Variants in IFT56 observed in about 807,000 individuals in gnomAD.
The protein encoded by IFT56 is intraflagellar transport 56.
chr7:139,167,800 G>C, the IFT56 span, among the ~76,000 whole-genome samples: 1 of 152,008 alleles, frequency 6.6e-6, no homozygotes, highest in Non-Finnish European at 1.5e-5. Context: ...AATTAGCCGG[G>C]TGTGGTGGCT....
the IFT56 span, among the ~76,000 whole-genome samples, chr7:139,163,774 A>G: frequency 6.6e-6 from 1 of 152,218 alleles, no homozygotes; most frequent in African/African-American, 2.4e-5. Flanking sequence ...AGATGGAGTT[A>G]GAAGTCATGG....
chr7:139,135,320 AG>A, the IFT56 span, among the ~76,000 whole-genome samples: 1 of 148,856 alleles, frequency 6.7e-6, no homozygotes, highest in East Asian at 2.0e-4. Context: ...TTATTTCTTG[AG>A]GGCCACTTTT....
At chr7:139,188,154 G>A in the IFT56 span, among the ~76,000 whole-genome samples, 2 of 146,438 alleles carry the variant, frequency 1.4e-5, no homozygotes, top group Non-Finnish European at 3.0e-5. Flanking sequence ...AGGCTGGAGT[G>A]CAATGGTGTG....
chr7:139,142,536 T>C, the IFT56 span, among the ~76,000 whole-genome samples: 1 of 137,966 alleles, frequency 7.2e-6, no homozygotes, highest in South Asian at 2.3e-4. Flanking sequence ...GCAACAGTCA[T>C]ATAAGAAGTT....
At chr7:139,135,347 A>T in the IFT56 span, among the ~76,000 whole-genome samples, 3 of 151,820 alleles carry the variant, frequency 2.0e-5, no homozygotes, top group Admixed American at 6.6e-5. Flanking sequence ...TGTCTAGTTC[A>T]CCAACAGTGA....
At chr7:139,176,344 C>T in the IFT56 span, among the ~76,000 whole-genome samples, 1 of 151,848 alleles carries the variant, frequency 6.6e-6, no homozygotes. Flanking sequence ...ATATGGACTA[C>T]ATACCCACAA....
chr7:139,189,423 G>GTTT, the IFT56 span: 1 of 1,610,722 alleles, frequency 6.2e-7, no homozygotes, highest in East Asian at 2.2e-5. Context: ...AAAACAGAGT[G>GTTT]TCCATCTAAA....
At chr7:139,150,760 A>C in the IFT56 span, among the ~76,000 whole-genome samples, 3 of 152,232 alleles carry the variant, frequency 2.0e-5, no homozygotes, top group African/African-American at 7.2e-5. Flanking sequence ...GCTTTTCTAA[A>C]GTAAACAGGA....
the IFT56 span, among the ~76,000 whole-genome samples, chr7:139,157,201 C>T: frequency 3.7e-4 from 45 of 122,390 alleles, no homozygotes; most frequent in South Asian, 5.4e-3. Flanking sequence ...GGCTGGAGTG[C>T]AGTGGCGTGA....
At chr7:139,167,606 A>T in the IFT56 span, among the ~76,000 whole-genome samples, 2 of 151,870 alleles carry the variant, frequency 1.3e-5, no homozygotes, top group Non-Finnish European at 2.9e-5. Context: ...CTTTTTTTTT[A>T]TTTAGGAAAA....
the IFT56 span, chr7:139,161,115 A>G: frequency 9.6e-6 from 11 of 1,144,088 alleles, no homozygotes; most frequent in East Asian, 2.4e-4. Context: ...GAGATGCGCC[A>G]GCAAGTAATG....
the IFT56 span, chr7:139,179,679 C>A: frequency 6.6e-7 from 1 of 1,515,854 alleles, no homozygotes; most frequent in Non-Finnish European, 9.1e-7. Context: ...CAAGAAGAAT[C>A]CTCTTTTTCT....
chr7:139,134,357 T>C, the IFT56 span, among the ~76,000 whole-genome samples: 1 of 151,838 alleles, frequency 6.6e-6, no homozygotes, highest in African/African-American at 2.4e-5. Context: ...CTGCAACCTC[T>C]GCCTCTAGGT....
At chr7:139,139,166 G>A in the IFT56 span, among the ~76,000 whole-genome samples, 1 of 151,992 alleles carries the variant, frequency 6.6e-6, no homozygotes, top group African/African-American at 2.4e-5. Context: ...TTTGAAGAAC[G>A]TTCATAACTA....
the IFT56 span, among the ~76,000 whole-genome samples, chr7:139,175,668 T>A: frequency 3.9e-5 from 6 of 152,232 alleles, no homozygotes; most frequent in African/African-American, 1.4e-4. Context: ...TTTCACTTAT[T>A]TGTGGGAGCT....
the IFT56 span, chr7:139,172,719 A>G: frequency 1.1e-5 from 7 of 626,254 alleles, no homozygotes; most frequent in East Asian, 8.3e-5. Flanking sequence ...AGCAAATGTT[A>G]TACCCCATAA....
the IFT56 span, among the ~76,000 whole-genome samples, chr7:139,151,562 G>T: frequency 3.3e-5 from 5 of 152,194 alleles, no homozygotes; most frequent in South Asian, 1.0e-3. Context: ...ACCTCCTTAA[G>T]CATCATCTGT....
chr7:139,166,754 T>C, the IFT56 span: 6 of 692,860 alleles, frequency 8.7e-6, no homozygotes, highest in Non-Finnish European at 1.6e-5. Context: ...AATATTTAAG[T>C]ACTGAAGGAT....
chr7:139,172,706 C>A, the IFT56 span: 1 of 623,400 alleles, frequency 1.6e-6, no homozygotes, highest in Non-Finnish European at 3.1e-6. Context: ...TACAAACAAT[C>A]GCAGCAAATG....
Sources: allele counts gnomAD v4.1 joint callset (sites outside exome capture counted in the v4.1 genomes callset), GRCh38; gene constraint gnomAD v4.1.1; transcripts MANE v1.5; gene names NCBI Gene and HGNC (gene_info 2026-07-23, HGNC 2026-07-21).